TFEC: variants seen among roughly 807,000 people sequenced by gnomAD.
TFEC encodes class E basic helix-loop-helix protein 34.
In TFEC, 31 loss-of-function variants were observed where a neutral mutation model predicts 41.6. The observed-to-expected ratio is 0.74, with a 90% confidence interval of 0.56 to 1.01. The LOEUF (loss-of-function observed/expected upper bound fraction) is 1.01. TFEC is among the 50% of genes least tolerant of loss of function. The pLI, the probability that TFEC is intolerant of heterozygous loss-of-function variation, is 0.00. For synonymous variants in TFEC, 143 were observed against 140.6 expected, an observed-to-expected ratio of 1.02 and a Z score of -0.12; for missense variants, 402 against 404.1, an observed-to-expected ratio of 0.99 and a Z score of 0.04.
At chr7:116,016,595 T>A (rs1173916143) in intron 1 of TFEC, among the ~76,000 whole-genome samples, 1 of 152,120 alleles carries the variant, frequency 6.6e-6, no homozygotes, top group Non-Finnish European at 1.5e-5. Flanking sequence ...TAAAATACTA[T>A]GTACATGCTA....
At chr7:116,130,260 A>T (rs1264861092) in intron 1 of TFEC, among the ~76,000 whole-genome samples, 1 of 152,152 alleles carries the variant, frequency 6.6e-6, no homozygotes, top group East Asian at 1.9e-4. Flanking sequence ...TCCATTCACT[A>T]GCTAGACTAT....
intron 3 of TFEC, among the ~76,000 whole-genome samples, chr7:116,091,237 T>C (rs1280642074): frequency 2.0e-5 from 3 of 152,224 alleles, no homozygotes; most frequent in African/African-American, 7.2e-5. Context: ...GGTAATATAA[T>C]TCAGAATTGT....
chr7:116,001,648 G>A (rs1794601905), intron 1 of TFEC, among the ~76,000 whole-genome samples: 1 of 152,042 alleles, frequency 6.6e-6, no homozygotes, highest in Non-Finnish European at 1.5e-5. Flanking sequence ...TGGACAAATG[G>A]GATCACATCA....
At chr7:116,108,591 G>C (rs1016021502) in intron 3 of TFEC, among the ~76,000 whole-genome samples, 1 of 152,042 alleles carries the variant, frequency 6.6e-6, no homozygotes, top group Admixed American at 6.6e-5. Context: ...AATTTTAGAT[G>C]TACACTGAGA....
At chr7:116,013,147 T>C (rs1173093805) in intron 1 of TFEC, among the ~76,000 whole-genome samples, 1 of 152,136 alleles carries the variant, frequency 6.6e-6, no homozygotes, top group African/African-American at 2.4e-5. Context: ...TTTTGGTAGA[T>C]AAAACCAGTA....
chr7:116,018,611 A>C (rs556484451), intron 1 of TFEC, among the ~76,000 whole-genome samples: 2 of 152,356 alleles, frequency 1.3e-5, no homozygotes, highest in East Asian at 1.9e-4. Flanking sequence ...GCTGAGGCTC[A>C]TAAGGACATT....
At chr7:116,017,046 T>A (rs1795218559) in intron 1 of TFEC, among the ~76,000 whole-genome samples, 2 of 152,290 alleles carry the variant, frequency 1.3e-5, no homozygotes, top group South Asian at 2.1e-4. Context: ...TTGCCTCTGC[T>A]ACCAGAGCTC....
Position 115,992,674 on chromosome 7 carries a change from T to C in TFEC, c.-72-8161A>G, listed in dbSNP as rs183472315. Among the ~76,000 whole-genome samples the C allele has an allele frequency of 3.5e-3, 530 of 152,224 alleles. 1 individual carries two copies. The highest frequency in any genetic ancestry group is 0.012 in the African/African-American group (513 of 41,528). On this transcript the variant is annotated intron_variant, in intron 1 of 7. Transcript: ENST00000265440. ...ACCAGGAAGAAGTTGAATCCCTGAA[T>C]AGGCCAATAACAGGCTCTGAAATTG... is the stretch of plus-strand genomic sequence containing the variant.
chr7:116,045,498 C>T (rs1410799900), intron 3 of TFEC, among the ~76,000 whole-genome samples: 1 of 152,200 alleles, frequency 6.6e-6, no homozygotes, highest in Non-Finnish European at 1.5e-5. Context: ...GCAGCTTCCA[C>T]TTGGTGTTGA....
At chr7:116,119,676 A>G (rs970159020) in intron 1 of TFEC, among the ~76,000 whole-genome samples, 3 of 151,868 alleles carry the variant, frequency 2.0e-5, no homozygotes, top group African/African-American at 7.2e-5. Flanking sequence ...TTCACCGATA[A>G]TATAAATGTA....
chr7:116,120,934 C>A (rs1365989094), intron 1 of TFEC, among the ~76,000 whole-genome samples: 1 of 151,904 alleles, frequency 6.6e-6, no homozygotes, highest in East Asian at 1.9e-4. Context: ...CTATAAAAAA[C>A]CCTACCTAAT....
Position 116,001,521 on chromosome 7 carries a change from C to CA in TFEC, c.-72-17009dup, listed in dbSNP as rs796739262. Among the ~76,000 whole-genome samples the CA allele has an allele frequency of 9.1e-4, 135 of 148,850 alleles. 2 individuals are homozygous for CA. Among genetic ancestry groups the CA allele is most frequent in the Admixed American group, 3.2e-3 (48 of 14,972 alleles). Reference sequence around the variant, plus strand: ...GGAAAAAAAAAAAACAACCAACAAACAAAAAAAACACAAAAACAAACAAAC... The same window carrying CA: ...GGAAAAAAAAAAAACAACCAACAAACAAAAAAAAACACAAAAACAAACAAAC... On this transcript the variant is annotated intron_variant, in intron 1 of 7. Transcript: ENST00000265440.
At chr7:115,969,983 A>C (rs188278939) in intron 3 of TFEC, among the ~76,000 whole-genome samples, 3 of 152,010 alleles carry the variant, frequency 2.0e-5, no homozygotes, top group Non-Finnish European at 4.4e-5. Flanking sequence ...CAGCCATGCT[A>C]TGTTTAAGAT....
At chr7:116,132,901 A>C (rs1044387590) in intron 1 of TFEC, among the ~76,000 whole-genome samples, 1 of 152,124 alleles carries the variant, frequency 6.6e-6, no homozygotes, top group African/African-American at 2.4e-5. Context: ...ATGCATATAA[A>C]ATTTCACCAA....
At chr7:116,141,007 A>T (rs1408382506) in intron 1 of TFEC, among the ~76,000 whole-genome samples, 1 of 152,322 alleles carries the variant, frequency 6.6e-6, no homozygotes, top group East Asian at 1.9e-4. Context: ...GCCCTCTAGG[A>T]GACTTGGAAA....
At chr7:115,993,476 A>C (rs1188976671) in intron 1 of TFEC, among the ~76,000 whole-genome samples, 2 of 152,214 alleles carry the variant, frequency 1.3e-5, no homozygotes, top group Non-Finnish European at 2.9e-5. Context: ...TCAGCCCAAA[A>C]TCTCCTTAAG....
At chr7:116,042,658 T>A (rs551055519) in intron 3 of TFEC, among the ~76,000 whole-genome samples, 4 of 152,284 alleles carry the variant, frequency 2.6e-5, no homozygotes, top group South Asian at 2.1e-4. Flanking sequence ...AAACATTTTT[T>A]AAAAAATCTT....
chr7:116,138,163 A>G (rs1225137527), intron 1 of TFEC, among the ~76,000 whole-genome samples: 1 of 152,158 alleles, frequency 6.6e-6, no homozygotes, highest in Non-Finnish European at 1.5e-5. Context: ...AAAATCTGAC[A>G]CTGCTGCAAT....
At chr7:116,076,844 A>G (rs966632416) in intron 3 of TFEC, among the ~76,000 whole-genome samples, 2 of 152,160 alleles carry the variant, frequency 1.3e-5, no homozygotes, top group African/African-American at 4.8e-5. Flanking sequence ...ACATTTGGTA[A>G]ACATACTTGA....
Sources: allele counts gnomAD v4.1 joint callset (sites outside exome capture counted in the v4.1 genomes callset), GRCh38; gene constraint gnomAD v4.1.1; transcripts MANE v1.5; gene names NCBI Gene and HGNC (gene_info 2026-07-23, HGNC 2026-07-21).